The following RABGAP1L variants were observed in gnomAD, a reference collection of about 807,000 sequenced individuals.
The protein encoded by RABGAP1L is rab GTPase-activating protein 1-like.
A neutral mutation model predicts 137.7 loss-of-function variants in RABGAP1L; 63 were observed. That is an observed-to-expected ratio of 0.46 (90% confidence interval 0.37 to 0.56). RABGAP1L has a LOEUF of 0.56. Ranked by LOEUF, RABGAP1L falls within the 20% of genes least tolerant of loss-of-function variation. The pLI is 0.00. For missense variants in RABGAP1L, 1,095 were observed against 1,244.0 expected, an observed-to-expected ratio of 0.88 and a Z score of 1.80; for synonymous variants, 431 against 433.7, an observed-to-expected ratio of 0.99 and a Z score of 0.08.
intron 11 of RABGAP1L, among the ~76,000 whole-genome samples, chr1:174,339,481 C>T (rs1245870864): frequency 2.0e-5 from 3 of 152,080 alleles, no homozygotes; most frequent in African/African-American, 7.2e-5. Flanking sequence ...CTAATTCAGG[C>T]TATCATAAGT....
At chr1:174,812,031 A>T (rs973425824) in intron 19 of RABGAP1L, 71 bp downstream of exon 19, 72 of 1,367,388 alleles carry the variant, frequency 5.3e-5, no homozygotes, top group South Asian at 3.4e-4. Flanking sequence ...TTATGTAAAA[A>T]TTTTTTTATA....
chr1:174,451,660 C>G (rs1655466122), intron 13 of RABGAP1L, among the ~76,000 whole-genome samples: 1 of 152,128 alleles, frequency 6.6e-6, no homozygotes, highest in African/African-American at 2.4e-5. Context: ...AATTTTTGTA[C>G]CTCTGTCTGT....
chr1:174,961,739 G>A (rs979507666), intron 20 of RABGAP1L, among the ~76,000 whole-genome samples: 8 of 150,790 alleles, frequency 5.3e-5, no homozygotes, highest in African/African-American at 1.2e-4. Context: ...CCAGCTACTC[G>A]AGAGGCTGAG....
At chr1:174,169,938 C>A (rs941390736) in intron 1 of RABGAP1L, among the ~76,000 whole-genome samples, 1 of 152,220 alleles carries the variant, frequency 6.6e-6, no homozygotes, top group East Asian at 1.9e-4. Context: ...CCTGCCTCAG[C>A]CCTTCCAAGC....
At chr1:174,873,072 T>A (rs1652456027) in intron 19 of RABGAP1L, among the ~76,000 whole-genome samples, 2 of 152,058 alleles carry the variant, frequency 1.3e-5, no homozygotes, top group Admixed American at 6.6e-5. Context: ...CCATATTTCC[T>A]TTTTTTATTT....
chr1:174,477,112 C>T (rs150000262), intron 13 of RABGAP1L, among the ~76,000 whole-genome samples: 1 of 152,072 alleles, frequency 6.6e-6, no homozygotes, highest in Admixed American at 6.6e-5. Flanking sequence ...CAAAGTTATG[C>T]ATGTAATCTC....
chr1:174,669,118 G>T (rs1288713073), intron 14 of RABGAP1L, among the ~76,000 whole-genome samples: 1 of 152,258 alleles, frequency 6.6e-6, no homozygotes, highest in East Asian at 1.9e-4. Context: ...TGGTGGGGAG[G>T]TGTCAGGAAA....
At chr1:174,284,472 A>G (rs1371189053) in intron 10 of RABGAP1L, among the ~76,000 whole-genome samples, 1 of 152,168 alleles carries the variant, frequency 6.6e-6, no homozygotes, top group Non-Finnish European at 1.5e-5. Flanking sequence ...GTATGTGTGT[A>G]TATATTCATT....
chr1:174,748,031 A>G (rs1357991708), intron 17 of RABGAP1L, among the ~76,000 whole-genome samples: 1 of 152,070 alleles, frequency 6.6e-6, no homozygotes, highest in South Asian at 2.1e-4. Context: ...CATATCACCA[A>G]ACTAACTGGA....
chr1:174,395,632 A>G (rs1647746894), intron 13 of RABGAP1L, among the ~76,000 whole-genome samples: 1 of 152,186 alleles, frequency 6.6e-6, no homozygotes, highest in South Asian at 2.1e-4. Context: ...AAGTAGTTGC[A>G]GAGAATTTGG....
At chr1:174,298,038 A>C (rs1677289013) in intron 10 of RABGAP1L, among the ~76,000 whole-genome samples, 1 of 152,014 alleles carries the variant, frequency 6.6e-6, no homozygotes, top group South Asian at 2.1e-4. Context: ...AAGAGAGGAC[A>C]GAGGAGAAAA....
At chr1:174,676,802 TTTTC>T (rs1428650402) in intron 14 of RABGAP1L, among the ~76,000 whole-genome samples, 11 of 152,196 alleles carry the variant, frequency 7.2e-5, no homozygotes, top group African/African-American at 2.7e-4. Context: ...ACTAATCTGA[TTTTC>T]TTTTTTATGT....
chr1:174,327,984 CACATATATATATATATATATATAT>C (rs1318437812), intron 11 of RABGAP1L, among the ~76,000 whole-genome samples: 3 of 37,876 alleles, frequency 7.9e-5, no homozygotes, highest in Non-Finnish European at 1.5e-4. Context: ...TATATACACA[CACATATATATATATATATATATAT>C]ATATATATAT....
chr1:174,770,990 T>C (rs765588475), intron 18 of RABGAP1L, among the ~76,000 whole-genome samples: 2 of 152,206 alleles, frequency 1.3e-5, no homozygotes. Flanking sequence ...TTAAAAGGGA[T>C]CTTTGGGAGC....
At chr1:174,935,376 C>T (rs1664592454) in intron 19 of RABGAP1L, 1 of 152,108 alleles carries the variant, frequency 6.6e-6, no homozygotes, top group Admixed American at 6.5e-5. Context: ...AGAAACAAGA[C>T]ATATAAACAT....
chr1:174,530,993 AC>A (rs1664351763), intron 13 of RABGAP1L, among the ~76,000 whole-genome samples: 1 of 152,198 alleles, frequency 6.6e-6, no homozygotes. Flanking sequence ...AATAGGATAG[AC>A]AATAAAATTA....
intron 13 of RABGAP1L, among the ~76,000 whole-genome samples, chr1:174,562,931 C>T (rs1667320922): frequency 6.6e-6 from 1 of 152,058 alleles, no homozygotes; most frequent in Non-Finnish European, 1.5e-5. Context: ...TGCAGCAAAC[C>T]ACTATGGCAC....
chr1:174,170,912 A>G (rs939141490), intron 1 of RABGAP1L, among the ~76,000 whole-genome samples: 1 of 152,246 alleles, frequency 6.6e-6, no homozygotes, highest in Non-Finnish European at 1.5e-5. Flanking sequence ...GACACCAAAG[A>G]AATCTTTGAA....
chr1:174,699,610 A>G lies in RABGAP1L; in HGVS notation c.1985A>G (p.Asp662Gly). The G allele has an allele frequency of 6.2e-7, 1 of 1,608,956 alleles. No homozygotes were observed. The highest frequency in any genetic ancestry group is 8.5e-7 in the Non-Finnish European group (1 of 1,175,412). ...GACCTCTACAGAAACAACTTCGAAG[A>G]TCTTCATTGCAAATTCTACCAGTTG... ...LRDLYRNNFE[D>G]LHCKFYQLER... Residue 662 changes from aspartate (D) to glycine (G), a missense_variant, in exon 16 of 26, where the codon GAT becomes GGT. Transcript: ENST00000681986.
Sources: allele counts gnomAD v4.1 joint callset (sites outside exome capture counted in the v4.1 genomes callset), GRCh38; gene constraint gnomAD v4.1.1; transcripts MANE v1.5; gene names NCBI Gene and HGNC (gene_info 2026-07-23, HGNC 2026-07-21).